The following ANO4 variants were observed in gnomAD, a reference collection of about 807,000 sequenced individuals.
ANO4 encodes the protein anoctamin-4.
In ANO4, 69 loss-of-function variants were observed where a neutral mutation model predicts 141.9. That is an observed-to-expected ratio of 0.49 (90% CI 0.40 to 0.59). ANO4 has a LOEUF of 0.59. Ranked by LOEUF, ANO4 falls within the 20% of genes least tolerant of loss-of-function variation. The pLI is 0.00. For missense variants in ANO4, 894 were observed against 1,162.2 expected (o/e 0.77, Z 3.36); for synonymous variants, 350 against 394.3 (o/e 0.89, Z 1.33).
intron 8 of ANO4, among the ~76,000 whole-genome samples, chr12:100,992,431 C>T (rs749501187): frequency 2.6e-5 from 4 of 152,062 alleles, no homozygotes; most frequent in Non-Finnish European, 5.9e-5. Flanking sequence ...GTTGTTTCCT[C>T]TCCTGGAATT....
chr12:100,894,827 G>A (rs1367360550), intron 1 of ANO4, among the ~76,000 whole-genome samples: 8 of 151,830 alleles, frequency 5.3e-5, no homozygotes, highest in African/African-American at 1.9e-4. Flanking sequence ...TTAGCCGGGC[G>A]TGGTGGCGGG....
intron 14 of ANO4, chr12:101,067,010 AAAAAAAAG>A: frequency 5.1e-6 from 3 of 585,750 alleles, no homozygotes; most frequent in Admixed American, 3.0e-5. Flanking sequence ...AAAAAAAAAA[AAAAAAAAG>A]AAAGAACAGA....
rs781369529 is a variant in ANO4, at chr12:100,901,694, A to G, written c.-92A>G. On this transcript the variant is annotated 5_prime_UTR_variant, in exon 2 of 28. Transcript: ENST00000392977. Reference sequence around the variant, plus strand: ...GCTGAAAAGCGTTTGCAAATCCATCAACGGCGAAGTGTGGCAAGCCGCCCA... The same window carrying G: ...GCTGAAAAGCGTTTGCAAATCCATCGACGGCGAAGTGTGGCAAGCCGCCCA... The G allele has an allele frequency of 5.4e-6, 6 of 1,115,498 alleles. No individual in the cohort carries two copies. The highest frequency in any genetic ancestry group is 8.3e-6 in the Non-Finnish European group (6 of 725,538). 69.1% of individuals were successfully genotyped at this position (1,115,498 alleles called of 1,614,324 possible).
chr12:101,126,161 CAA>C (rs1208335858), intron 26 of ANO4, among the ~76,000 whole-genome samples: 1 of 152,248 alleles, frequency 6.6e-6, no homozygotes, highest in South Asian at 2.1e-4. Flanking sequence ...CCAAATTTAT[CAA>C]GTTTTAAATA....
intron 22 of ANO4, among the ~76,000 whole-genome samples, chr12:101,106,891 GA>G (rs11389258): frequency 3.4e-5 from 5 of 146,458 alleles, no homozygotes; most frequent in Admixed American, 1.4e-4. Context: ...CTCTTCCCTT[GA>G]AAAAAAAAAG....
chr12:101,101,287 A>C (rs2050175961), intron 22 of ANO4, among the ~76,000 whole-genome samples: 1 of 152,310 alleles, frequency 6.6e-6, no homozygotes, highest in Non-Finnish European at 1.5e-5. Context: ...TGTAGAGTAC[A>C]TACCCTTTGT....
intron 9 of ANO4, among the ~76,000 whole-genome samples, chr12:101,031,802 A>G (rs1277009137): frequency 6.6e-6 from 1 of 152,186 alleles, no homozygotes; most frequent in African/African-American, 2.4e-5. Flanking sequence ...ACAAGCAGAG[A>G]GCCAAATCAT....
chr12:101,126,797 C>A (rs371672926), intron 26 of ANO4, 82 bp from the exon 27 acceptor site: 39 of 1,304,888 alleles, frequency 3.0e-5, no homozygotes, highest in East Asian at 2.1e-4. Context: ...CCCAGAGGGT[C>A]CACATCCTTC....
At chr12:100,794,551 C>G (rs957734256), upstream of ANO4, 3 of 152,288 alleles carry the variant, frequency 2.0e-5, no homozygotes, top group African/African-American at 7.2e-5. Context: ...CTGACACGGC[C>G]CCCTGGCTGG....
chr12:100,987,468 G>A, intron 7 of ANO4, 71 bp from the exon 8 acceptor site: 1 of 1,568,724 alleles, frequency 6.4e-7, no homozygotes, highest in African/African-American at 1.3e-5. Context: ...GCTCTGCGGA[G>A]ACCTTCCTCC....
chr12:101,097,536 C>T, intron 19 of ANO4, 115 bp from the exon 20 acceptor site: 1 of 985,270 alleles, frequency 1.0e-6, no homozygotes. Flanking sequence ...TTCCCCCAGA[C>T]CTACTACTTA....
At chr12:100,761,358 C>T (rs1166831371) in intron 3 of ANO4, among the ~76,000 whole-genome samples, 1 of 152,144 alleles carries the variant, frequency 6.6e-6, no homozygotes, top group Non-Finnish European at 1.5e-5. Context: ...CAAGGCTCAG[C>T]ACATACTCAC....
intron 1 of ANO4, among the ~76,000 whole-genome samples, chr12:100,885,972 T>G (rs2039807267): frequency 6.6e-6 from 1 of 152,206 alleles, no homozygotes; most frequent in African/African-American, 2.4e-5. Context: ...AAATATTCCA[T>G]CCGTGTTCTT....
At chr12:101,117,859 G>T (rs2050917253) in intron 25 of ANO4, among the ~76,000 whole-genome samples, 1 of 152,188 alleles carries the variant, frequency 6.6e-6, no homozygotes, top group East Asian at 1.9e-4. Context: ...TACAGAAGGT[G>T]AAGGTGAGAG....
chr12:101,093,973 C>G (rs1357195798), intron 17 of ANO4, among the ~76,000 whole-genome samples: 2 of 152,040 alleles, frequency 1.3e-5, no homozygotes, highest in Non-Finnish European at 2.9e-5. Context: ...TAGCAGCTAG[C>G]CTTGTTGCCA....
At chr12:101,123,009 A>G (rs2051156199) in intron 26 of ANO4, among the ~76,000 whole-genome samples, 1 of 152,234 alleles carries the variant, frequency 6.6e-6, no homozygotes, top group South Asian at 2.1e-4. Context: ...AAATTGCTGT[A>G]AAAATAGTTT....
At chr12:101,019,977 A>G in intron 8 of ANO4, 57 bp from the exon 9 acceptor site, 1 of 1,424,184 alleles carries the variant, frequency 7.0e-7, no homozygotes, top group Non-Finnish European at 9.9e-7. Context: ...TATAACAAAA[A>G]TTAGATCCTT....
chr12:100,807,323 G>A lies in ANO4; in HGVS notation c.-141+12296G>A, dbSNP rs138102111. ...ATGTAGTTAGAACTATTTTTGGAGAGTCTGCTCCATTTTCTTGACTTCCAG... is the reference window on the plus strand; with the variant it reads ...ATGTAGTTAGAACTATTTTTGGAGAATCTGCTCCATTTTCTTGACTTCCAG... On this transcript the variant is annotated intron_variant, in intron 1 of 27. Transcript: ENST00000392977. 3.6e-3 allele frequency among the ~76,000 whole-genome samples: 542 copies of A among 152,236 alleles called. 9 individuals are homozygous for A. Among genetic ancestry groups the A allele is most frequent in the East Asian group, 0.031 (160 of 5,184 alleles).
chr12:100,911,221 C>T (rs1364609855), intron 2 of ANO4, among the ~76,000 whole-genome samples: 1 of 152,110 alleles, frequency 6.6e-6, no homozygotes, highest in Non-Finnish European at 1.5e-5. Flanking sequence ...GGTGGGGAAA[C>T]TAAGGCATGA....
Sources: allele counts gnomAD v4.1 joint callset (sites outside exome capture counted in the v4.1 genomes callset), GRCh38; gene constraint gnomAD v4.1.1; transcripts MANE v1.5; gene names NCBI Gene and HGNC (gene_info 2026-07-23, HGNC 2026-07-21).